Variants in ASMTL observed in about 807,000 individuals in gnomAD.
ASMTL encodes the protein probable bifunctional dTTP/UTP pyrophosphatase/methyltransferase protein.
A neutral mutation model predicts 60.3 loss-of-function variants in ASMTL; 57 were observed. That is an observed-to-expected ratio of 0.95 (90% CI 0.76 to 1.18). The LOEUF is 1.18. Among genes scored for constraint, ASMTL ranks in the 50% most tolerant of loss-of-function variants. The pLI, the probability that ASMTL is intolerant of heterozygous loss-of-function variation, is 0.00. For missense variants in ASMTL, 981 were observed against 852.6 expected, an observed-to-expected ratio of 1.15 and a Z score of -1.88; for synonymous variants, 419 against 373.0, an observed-to-expected ratio of 1.12 and a Z score of -1.42.
intron 1 of ASMTL, 33 bp downstream of exon 1, chrX:1,452,715 C>T (rs780095092): frequency 6.5e-7 from 1 of 1,550,184 alleles, no homozygotes; most frequent in Non-Finnish European, 8.7e-7. Context: ...CCTCCGTCCC[C>T]GGTCCCCTGC....
chrX:1,407,572 C>T (rs1490668422), intron 12 of ASMTL, among the ~76,000 whole-genome samples: 27 of 151,910 alleles, frequency 1.8e-4, no homozygotes, highest in African/African-American at 6.3e-4. Context: ...AAATGATAGA[C>T]AGATGACAGG....
chrX:1,407,022 A>G (rs1375554656), intron 12 of ASMTL, among the ~76,000 whole-genome samples: 1 of 144,550 alleles, frequency 6.9e-6, no homozygotes, highest in Admixed American at 7.0e-5. Flanking sequence ...ATGGGTGAAT[A>G]GATGGTAGAT....
intron 1 of ASMTL, among the ~76,000 whole-genome samples, chrX:1,445,480 G>A (rs1474196168): frequency 6.6e-6 from 1 of 152,002 alleles, no homozygotes; most frequent in Non-Finnish European, 1.5e-5. Context: ...ACAGCAGATG[G>A]CCCGAACATA....
intron 12 of ASMTL, among the ~76,000 whole-genome samples, chrX:1,412,466 G>A (rs1413268494): frequency 6.6e-6 from 1 of 152,182 alleles, no homozygotes; most frequent in Admixed American, 6.6e-5. Context: ...CACCCCGGGT[G>A]ATCCACCTGC....
Position 1,452,803 on chromosome X carries a change from T to C in ASMTL, c.38A>G (p.Lys13Arg), listed in dbSNP as rs2149357970. 3 of 1,596,384 alleles carry C rather than the reference T, an allele frequency of 1.9e-6. No homozygotes were observed. The East Asian group carries it at 6.7e-5, about 36-fold the overall frequency. The change falls in exon 1 of 13, where the codon AAG becomes AGG. Residue 13 changes from lysine to arginine, a missense_variant. Transcript: ENST00000381317. ...LCPVIGKLLHKRVVLASASPR... is the reference protein window; with the variant it reads ...LCPVIGKLLHRRVVLASASPR... The stretch of plus-strand genomic sequence containing the variant: ...GGAGGCGCTGGCCAGCACCACGCGC[T>C]TGTGCAGCAGCTTCCCAATCACCGG...
intron 2 of ASMTL, among the ~76,000 whole-genome samples, chrX:1,439,836 C>T (rs1186003200): frequency 1.2e-5 from 1 of 82,292 alleles, no homozygotes; most frequent in African/African-American, 4.3e-5. Flanking sequence ...ACTCAGTCTC[C>T]AAAAAAAAAA....
At chrX:1,415,210 G>C (rs1479825539) in intron 11 of ASMTL, among the ~76,000 whole-genome samples, 1 of 149,444 alleles carries the variant, frequency 6.7e-6, no homozygotes, top group African/African-American at 2.5e-5. Context: ...CAGAGGGCTG[G>C]GATTCCAGGC....
intron 12 of ASMTL, among the ~76,000 whole-genome samples, chrX:1,405,693 GTAGA>G (rs1299863015): frequency 3.3e-5 from 5 of 150,946 alleles, no homozygotes; most frequent in East Asian, 2.0e-4. Flanking sequence ...TGATGGGCAG[GTAGA>G]TAGATGAATG....
chrX:1,416,293 A>G (rs1226592860), intron 11 of ASMTL, among the ~76,000 whole-genome samples: 1 of 150,096 alleles, frequency 6.7e-6, no homozygotes, highest in Non-Finnish European at 1.5e-5. Flanking sequence ...ACAGGCACGC[A>G]CACAGACGCA....
At chrX:1,432,417 C>A in intron 5 of ASMTL, 40 bp from the exon 6 acceptor site, 1 of 1,512,422 alleles carries the variant, frequency 6.6e-7, no homozygotes, top group Admixed American at 1.7e-5. Flanking sequence ...TGGACGCCAG[C>A]TTGTCACCTC....
At chrX:1,440,108 A>C (rs1198455277) in intron 2 of ASMTL, among the ~76,000 whole-genome samples, 1 of 144,500 alleles carries the variant, frequency 6.9e-6, no homozygotes, top group Non-Finnish European at 1.5e-5. Flanking sequence ...TTTTTTTGAG[A>C]TGGAGTCTCG....
intron 3 of ASMTL, 98 bp downstream of exon 3, chrX:1,438,999 G>A: frequency 1.5e-6 from 2 of 1,327,156 alleles, no homozygotes; most frequent in Non-Finnish European, 2.2e-6. Flanking sequence ...GTCCACTGCT[G>A]TCTTAAGGGG....
chrX:1,452,880 C>G lies in ASMTL; in HGVS notation c.-40G>C, dbSNP rs1194186543. ...GAGCCGGGCGTCCGCACTTCTGAGC[C>G]CGGAGCCCGCGGTGCGCGCAGCGCG... On this transcript the variant is annotated 5_prime_UTR_variant, in exon 1 of 13. Transcript: ENST00000381317. 4 of 1,445,756 alleles carry G rather than the reference C, an allele frequency of 2.8e-6. No homozygotes were observed. The highest frequency in any genetic ancestry group is 2.3e-5 in the Admixed American group (1 of 43,138). The allele number at this position is 1,445,756 out of a possible 1,614,324, so 89.6% of individuals were successfully genotyped here. A position where few individuals can be genotyped will look rare whatever the true frequency, so the allele number is the denominator to read the frequency against.
intron 11 of ASMTL, chrX:1,413,779 GAC>G (rs1350242005): frequency 6.7e-6 from 1 of 149,396 alleles, no homozygotes; most frequent in Non-Finnish European, 1.5e-5. Context: ...AGAGGAGACA[GAC>G]ACAGAGGAGA....
At chrX:1,428,730 C>G (rs1179688016) in intron 6 of ASMTL, among the ~76,000 whole-genome samples, 1 of 148,184 alleles carries the variant, frequency 6.7e-6, no homozygotes, top group African/African-American at 2.5e-5. Flanking sequence ...TTAAATCAAG[C>G]CAATTATCCC....
chrX:1,417,713 C>T (rs1224626318), intron 11 of ASMTL, among the ~76,000 whole-genome samples: 32 of 115,068 alleles, frequency 2.8e-4, no homozygotes, highest in South Asian at 6.3e-4. Context: ...CACACACATG[C>T]GGATGCAGAC....
chrX:1,432,637 G>A (rs2090829076), intron 5 of ASMTL, among the ~76,000 whole-genome samples: 1 of 151,996 alleles, frequency 6.6e-6, no homozygotes, highest in Non-Finnish European at 1.5e-5. Context: ...AGACCATCCT[G>A]GCTAACACGG....
At chrX:1,432,712 C>G (rs1224767262) in intron 5 of ASMTL, among the ~76,000 whole-genome samples, 9 of 152,064 alleles carry the variant, frequency 5.9e-5, no homozygotes, top group African/African-American at 2.2e-4. Flanking sequence ...GCCTGTAGTC[C>G]CAGCTACTCG....
chrX:1,405,628 G>A, intron 12 of ASMTL, among the ~76,000 whole-genome samples: 1 of 151,346 alleles, frequency 6.6e-6, no homozygotes, highest in East Asian at 2.0e-4. Context: ...ATAGATGAAT[G>A]GATGGATAGA....
Sources: gnomAD v4.1 joint callset for allele counts (sites outside exome capture counted in the v4.1 genomes callset) on GRCh38, gnomAD v4.1.1 for gene constraint, MANE v1.5 for transcripts, NCBI Gene and HGNC (gene_info 2026-07-23, HGNC 2026-07-21) for gene names.